Variants in LRRTM4 observed in about 807,000 individuals in gnomAD.
The protein encoded by LRRTM4 is leucine-rich repeat transmembrane neuronal protein 4.
Under a neutral mutation model 47.6 loss-of-function variants are expected in LRRTM4, and 25 were observed. The ratio of observed to expected loss-of-function variants is 0.53; its 90% confidence interval spans 0.38 to 0.73. The LOEUF is 0.73. Ranked by LOEUF, LRRTM4 falls within the 30% of genes least tolerant of loss-of-function variation. The pLI is 0.00. For missense variants in LRRTM4, 638 were observed against 713.4 expected (o/e 0.89, Z 1.20); for synonymous variants, 311 against 269.5 (o/e 1.15, Z -1.51).
intron 3 of LRRTM4, among the ~76,000 whole-genome samples, chr2:76,870,078 G>C (rs72821228): frequency 6.6e-6 from 1 of 152,206 alleles, no homozygotes; most frequent in South Asian, 2.1e-4. Context: ...CCTTTGAGGA[G>C]TGTCCTGGGA....
intron 3 of LRRTM4, among the ~76,000 whole-genome samples, chr2:77,187,213 T>C (rs1015831421): frequency 6.6e-6 from 1 of 152,168 alleles, no homozygotes; most frequent in Non-Finnish European, 1.5e-5. Flanking sequence ...GTGAAACTAC[T>C]GTGGTGCCAT....
intron 3 of LRRTM4, among the ~76,000 whole-genome samples, chr2:77,336,832 C>T (rs765655902): frequency 6.6e-6 from 1 of 152,098 alleles, no homozygotes; most frequent in Non-Finnish European, 1.5e-5. Context: ...ATTCTCATCA[C>T]TCCTATTCAG....
intron 3 of LRRTM4, among the ~76,000 whole-genome samples, chr2:77,077,156 G>A (rs1680364225): frequency 6.6e-6 from 1 of 152,104 alleles, no homozygotes; most frequent in East Asian, 1.9e-4. Context: ...TAGAATAAAG[G>A]ATAACTATAT....
chr2:77,014,598 G>C lies in LRRTM4; in HGVS notation c.1552-265682C>G, dbSNP rs766758040. 1.5e-3 allele frequency among the ~76,000 whole-genome samples: 227 copies of C among 151,784 alleles called. 2 individuals are homozygous for C. Among genetic ancestry groups the C allele is most frequent in the Non-Finnish European group, 2.2e-3 (149 of 67,896 alleles). On this transcript the variant is annotated intron_variant, in intron 3 of 3. Transcript: ENST00000409884. ...AGGCTGAGGTAGGCAGATCGCCTGA[G>C]GTCAGGAGTTTGAGACCAGCCTGGC... is the stretch of plus-strand genomic sequence containing the variant.
intron 3 of LRRTM4, among the ~76,000 whole-genome samples, chr2:76,860,489 G>A (rs187694480): frequency 2.0e-5 from 3 of 152,206 alleles, no homozygotes; most frequent in Admixed American, 2.0e-4. Flanking sequence ...TGCACACTAT[G>A]ATATTCCACC....
chr2:77,395,582 A>G (rs1389819448), intron 3 of LRRTM4, among the ~76,000 whole-genome samples: 1 of 151,970 alleles, frequency 6.6e-6, no homozygotes, highest in Non-Finnish European at 1.5e-5. Context: ...GCCAATTTAT[A>G]GAATTTTATA....
rs201525166 is a variant in LRRTM4 at position 76,816,819 on chromosome 2, G to GTTTTTTTTTTTTTTTTTTTTTTTTTT, written c.1552-67929_1552-67904dup. On this transcript the variant is annotated intron_variant, in intron 3 of 3. Coordinates refer to ENST00000409884, the MANE Select transcript of LRRTM4 (RefSeq NM_001134745.3). ...CACTGCTTTTACTTAGAGGTAAAGA[G>GTTTTTTTTTTTTTTTTTTTTTTTTTT]TTTTTTTTTTTTTTTTTTTTTTTTT... 3.1e-5 allele frequency among the ~76,000 whole-genome samples: 3 copies of GTTTTTTTTTTTTTTTTTTTTTTTTTT among 96,524 alleles called. 1 individual carries two copies. Among genetic ancestry groups the GTTTTTTTTTTTTTTTTTTTTTTTTTT allele is most frequent in the Non-Finnish European group, 7.5e-5 (3 of 39,908 alleles). The allele number at this position is 96,524 out of a possible 152,430, so 63.3% of individuals were successfully genotyped here.
chr2:77,008,862 T>C (rs1287572754), intron 3 of LRRTM4, among the ~76,000 whole-genome samples: 2 of 151,582 alleles, frequency 1.3e-5, no homozygotes, highest in Non-Finnish European at 2.9e-5. Context: ...TGTTTCTGAC[T>C]GGGTTAGCAC....
intron 3 of LRRTM4, among the ~76,000 whole-genome samples, chr2:77,226,438 C>A (rs888941728): frequency 2.0e-5 from 3 of 151,344 alleles, no homozygotes; most frequent in African/African-American, 7.3e-5. Flanking sequence ...TCCATATCCC[C>A]ATTTAAAAAG....
intron 3 of LRRTM4, among the ~76,000 whole-genome samples, chr2:77,133,867 A>C (rs969311659): frequency 6.6e-6 from 1 of 152,184 alleles, no homozygotes; most frequent in Non-Finnish European, 1.5e-5. Context: ...GATTGAACAA[A>C]AGTTTGTTCT....
At chr2:77,103,077 T>G (rs1670999827) in intron 3 of LRRTM4, among the ~76,000 whole-genome samples, 1 of 152,118 alleles carries the variant, frequency 6.6e-6, no homozygotes, top group Non-Finnish European at 1.5e-5. Context: ...CCAATATTGA[T>G]TTCACATATT....
At position 77,251,253 on chromosome 2, in the gene LRRTM4, A is replaced by C. The variant is rs201624431; in HGVS notation, c.1551+267065T>G. On this transcript the variant is annotated intron_variant, in intron 3 of 3. Transcript: ENST00000409884. ...CATATAGGTGTGTGTGTGTGTGTAT[A>C]TATATATACACACACACATATATAT... Among the ~76,000 whole-genome samples, 369 of 144,508 alleles carry C rather than the reference A, an allele frequency of 2.6e-3. 2 individuals carry two copies. Among genetic ancestry groups the C allele is most frequent in the African/African-American group, 8.5e-3 (331 of 39,038 alleles). The allele number at this position is 144,508 out of a possible 152,430, so 94.8% of individuals were successfully genotyped here. A position where few individuals can be genotyped will look rare whatever the true frequency, so the allele number is the denominator to read the frequency against.
intron 3 of LRRTM4, among the ~76,000 whole-genome samples, chr2:76,805,025 GTTTTATT>G (rs1675897739): frequency 6.6e-6 from 1 of 151,882 alleles, no homozygotes; most frequent in Non-Finnish European, 1.5e-5. Context: ...TATGACCTTT[GTTTTATT>G]TTTTATTTTT....
chr2:76,764,993 T>C (rs576115544), intron 3 of LRRTM4, among the ~76,000 whole-genome samples: 3 of 152,164 alleles, frequency 2.0e-5, no homozygotes, highest in South Asian at 2.1e-4. Flanking sequence ...CCTAAAGTCA[T>C]GGATGTGGAG....
Position 76,945,868 on chromosome 2 carries a change from T to C in LRRTM4, c.1552-196952A>G, listed in dbSNP as rs555673173. 3.9e-5 allele frequency among the ~76,000 whole-genome samples: 6 copies of C among 152,086 alleles called. No individual in the cohort carries two copies. The East Asian group carries it at 1.2e-3, about 29-fold the overall frequency. ...TTATGACTTAAAATTCATTCAAGTA[T>C]GCAAAAATAATTTTATCCACAATTG... On this transcript the variant is annotated intron_variant, in intron 3 of 3. Coordinates refer to ENST00000409884, the MANE Select transcript of LRRTM4 (RefSeq NM_001134745.3).
chr2:76,857,134 C>G (rs1174789659), intron 3 of LRRTM4, among the ~76,000 whole-genome samples: 1 of 151,566 alleles, frequency 6.6e-6, no homozygotes, highest in Admixed American at 6.6e-5. Flanking sequence ...ATACCAACCC[C>G]TCCTCTTCTT....
rs925004464 is a variant in LRRTM4 at position 77,433,810 on chromosome 2, G to A, written c.1551+84508C>T. ...GGGATGCTGCAGAATGAGTAGATAA[G>A]GCTCTCTCCACCGATCTTTGAGCTG... On this transcript the variant is annotated intron_variant, in intron 3 of 3. Coordinates refer to ENST00000409884, the MANE Select transcript of LRRTM4 (RefSeq NM_001134745.3). 2.6e-5 allele frequency among the ~76,000 whole-genome samples: 4 copies of A among 152,172 alleles called. No individual in the cohort carries two copies. In the South Asian group the frequency reaches 8.3e-4, roughly 31 times the overall value.
At chr2:76,843,112 GACAA>G (rs1282531401) in intron 3 of LRRTM4, among the ~76,000 whole-genome samples, 2 of 152,072 alleles carry the variant, frequency 1.3e-5, no homozygotes, top group Non-Finnish European at 2.9e-5. Flanking sequence ...ATTTCCAAGT[GACAA>G]ACAGTTGATA....
chr2:76,750,609 A>C (rs2104050210), intron 3 of LRRTM4, among the ~76,000 whole-genome samples: 1 of 152,312 alleles, frequency 6.6e-6, no homozygotes, highest in Admixed American at 6.5e-5. Flanking sequence ...ACTAGAGTTA[A>C]CCACCAGAGG....
Sources: gnomAD v4.1 joint callset for allele counts (sites outside exome capture counted in the v4.1 genomes callset) on GRCh38, gnomAD v4.1.1 for gene constraint, MANE v1.5 for transcripts, NCBI Gene and HGNC (gene_info 2026-07-23, HGNC 2026-07-21) for gene names.